RFTN1: variants seen among roughly 807,000 people sequenced by gnomAD.
RFTN1 encodes the protein raftlin, lipid raft linker 1, also known as raftlin.
RFTN1 carries 26 observed loss-of-function variants against 46.5 expected under a neutral mutation model. The observed-to-expected ratio is 0.56, with a 90% CI of 0.41 to 0.78. The LOEUF (loss-of-function observed/expected upper bound fraction) is 0.78. RFTN1 is among the 30% of genes least tolerant of loss of function. RFTN1 has a pLI of 0.00. For missense variants in RFTN1, 693 were observed against 718.7 expected (o/e 0.96, Z 0.41); for synonymous variants, 261 against 284.2 (o/e 0.92, Z 0.82).
chr3:16,395,123 T>C (rs748030415), intron 4 of RFTN1, among the ~76,000 whole-genome samples: 24 of 152,252 alleles, frequency 1.6e-4, no homozygotes, highest in Non-Finnish European at 3.1e-4. Context: ...AATTAAATTA[T>C]TATAAGCAGA....
At chr3:16,379,243 A>G (rs1439182286) in intron 4 of RFTN1, among the ~76,000 whole-genome samples, 1 of 152,244 alleles carries the variant, frequency 6.6e-6, no homozygotes, top group African/African-American at 2.4e-5. Flanking sequence ...CCTCGGAAGA[A>G]CCACCCTGAC....
intron 1 of RFTN1, among the ~76,000 whole-genome samples, chr3:16,497,333 T>C (rs2076641582): frequency 6.6e-6 from 1 of 152,228 alleles, no homozygotes; most frequent in African/African-American, 2.4e-5. Context: ...GGGTCTCAAT[T>C]CTTCTGAATA....
Position 16,385,242 on chromosome 3 carries a change from C to T in RFTN1, c.442-7140G>A, listed in dbSNP as rs761854631. On this transcript the variant is annotated intron_variant, in intron 4 of 9. Transcript: ENST00000334133. The surrounding 1 kb of genome is among the most constrained non-coding windows in gnomAD (Gnocchi z 5.0). Reference sequence around the variant, plus strand: ...AACCCTTCCCATCTTGTCACCTACACTCTTGTACAGCTTTCTGAAAAGGGA... The same window carrying T: ...AACCCTTCCCATCTTGTCACCTACATTCTTGTACAGCTTTCTGAAAAGGGA... Among the ~76,000 whole-genome samples, 1 of 152,224 alleles carries T rather than the reference C, an allele frequency of 6.6e-6. No homozygotes were observed. Among genetic ancestry groups the T allele is most frequent in the Admixed American group, 6.5e-5 (1 of 15,284 alleles).
intron 2 of RFTN1, chr3:16,454,762 A>G (rs1165394345): frequency 1.0e-6 from 1 of 985,252 alleles, no homozygotes; most frequent in African/African-American, 1.7e-5. Context: ...GTGTCAAGGC[A>G]CCATCTAGCA....
rs1460469202 is a variant in RFTN1 at position 16,370,265 on chromosome 3, TGAAG to T, written c.837_840del (p.Phe280ProfsTer31). The T allele has an allele frequency of 3.1e-6, 5 of 1,613,946 alleles. No individual in the cohort carries two copies. Among genetic ancestry groups the T allele is most frequent in the Non-Finnish European group, 4.2e-6 (5 of 1,179,988 alleles). On this transcript the variant is annotated frameshift_variant, in exon 6 of 10. Transcript: ENST00000334133. LOFTEE classifies it high-confidence loss of function. This position sits in a 1 kb window ranked among gnomAD's most constrained non-coding sequence, Gnocchi z 5.5. ...TGGCTCTTCGGTTTGTTGAAAAGGG[TGAAG>T]ATCTCCATTTCTGTTGGGATTTGTA...
At chr3:16,340,429 C>T (rs1176240604) in intron 7 of RFTN1, among the ~76,000 whole-genome samples, 1 of 152,240 alleles carries the variant, frequency 6.6e-6, no homozygotes, top group African/African-American at 2.4e-5. Flanking sequence ...CACTCTAGAT[C>T]ATTCAGCTAC....
chr3:16,323,032 T>C (rs907529804), intron 9 of RFTN1, among the ~76,000 whole-genome samples: 7 of 152,166 alleles, frequency 4.6e-5, no homozygotes, highest in Non-Finnish European at 1.0e-4. Flanking sequence ...AAACTGGCCA[T>C]GAGCTCGAGC....
At chr3:16,378,190 C>A in intron 4 of RFTN1, 88 bp from the exon 5 acceptor site, 1 of 1,158,564 alleles carries the variant, frequency 8.6e-7, no homozygotes, top group East Asian at 2.4e-5. Flanking sequence ...CTCCCCGAGG[C>A]CTGCGAGGCT....
chr3:16,323,514 T>A (rs1342494172), intron 8 of RFTN1, 57 bp from the exon 9 acceptor site: 1 of 1,241,638 alleles, frequency 8.1e-7, no homozygotes, highest in East Asian at 2.3e-5. Context: ...ACCCAAAACC[T>A]GACACAGATG....
In RFTN1 at chr3:16,348,600, G is replaced by C. The variant is rs1410938019; in HGVS notation, c.1146+9332C>G. On this transcript the variant is annotated intron_variant, in intron 7 of 9. Coordinates refer to ENST00000334133, the MANE Select transcript of RFTN1 (RefSeq NM_015150.2). The surrounding 1 kb of genome is among the most constrained non-coding windows in gnomAD (Gnocchi z 6.3). Reference sequence around the variant, plus strand: ...TGAATGCCTTCCCATTTCCTTTGTAGGATGTCTTCTTCCCGAGGCTCCTTG... The same window carrying C: ...TGAATGCCTTCCCATTTCCTTTGTACGATGTCTTCTTCCCGAGGCTCCTTG... Among the ~76,000 whole-genome samples, 1 of 152,122 alleles carries C rather than the reference G, an allele frequency of 6.6e-6. No homozygotes were observed. Among genetic ancestry groups the C allele is most frequent in the East Asian group, 1.9e-4 (1 of 5,188 alleles).
At position 16,399,937 on chromosome 3, in the gene RFTN1, C is replaced by T. The variant is rs184353930; in HGVS notation, c.441+9438G>A. On this transcript the variant is annotated intron_variant, in intron 4 of 9. Transcript: ENST00000334133. The stretch of plus-strand genomic sequence containing the variant: ...CTACATCTCTGTCAAGACGCTCCAC[C>T]TAAACTAAGTGACGATCTCTTGTCT... Among the ~76,000 whole-genome samples the T allele has an allele frequency of 6.5e-4, 99 of 152,302 alleles. 1 individual carries two copies. Among genetic ancestry groups the T allele is most frequent in the African/African-American group, 2.3e-3 (95 of 41,544 alleles).
chr3:16,403,733 A>G (rs2074684512), intron 4 of RFTN1, among the ~76,000 whole-genome samples: 1 of 36,410 alleles, frequency 2.7e-5, no homozygotes, highest in South Asian at 8.8e-4. Context: ...TATATTATAT[A>G]TATTATATTA....
intron 4 of RFTN1, among the ~76,000 whole-genome samples, chr3:16,399,533 CCCCACACTCAGCAAGTTTCACACTGA>C (rs2074553220): frequency 6.6e-6 from 1 of 152,186 alleles, no homozygotes; most frequent in Non-Finnish European, 1.5e-5. Flanking sequence ...GGCCTCCATC[CCCCACACTCAGCAAGTTTCACACTGA>C]CCTCTCTGGC....
chr3:16,377,927 C>G lies in RFTN1; in HGVS notation c.617G>C (p.Gly206Ala). 6.2e-7 allele frequency: 1 copy of G among 1,614,214 alleles called. No homozygotes were observed. Among genetic ancestry groups the G allele is most frequent in the Non-Finnish European group, 8.5e-7 (1 of 1,180,034 alleles). The change falls in exon 5 of 10, where the codon GGG (glycine) becomes GCG (alanine). Residue 206 changes from glycine to alanine, a missense_variant. Coordinates refer to ENST00000334133, the MANE Select transcript of RFTN1 (RefSeq NM_015150.2). ...CGGAGCACTGCACACATCCCCAGTCCCCGGTTTCTCATTCTCCAGTGACGC... is the reference window on the plus strand; with the variant it reads ...CGGAGCACTGCACACATCCCCAGTCGCCGGTTTCTCATTCTCCAGTGACGC... ...DHASLENEKP[G>A]TGDVCSAPAG...
Position 16,316,745 on chromosome 3 carries a change from G to A in RFTN1, c.*83C>T. The A allele has an allele frequency of 1.3e-6, 2 of 1,554,602 alleles. No individual in the cohort carries two copies. The highest frequency in any genetic ancestry group is 1.1e-5 in the South Asian group (1 of 88,934). ...AAAGGGTAGGTAACACACAACACCA[G>A]GGAAACCAGCCCCCAAACCAGCTGT... On this transcript the variant is annotated 3_prime_UTR_variant, in exon 10 of 10. Transcript: ENST00000334133. This position sits in a 1 kb window ranked among gnomAD's most constrained non-coding sequence, Gnocchi z 4.5.
At chr3:16,377,494 G>A (rs1182204732) in intron 5 of RFTN1, among the ~76,000 whole-genome samples, 1 of 152,206 alleles carries the variant, frequency 6.6e-6, no homozygotes, top group African/African-American at 2.4e-5. Flanking sequence ...GGAGCAAACT[G>A]CAAGTCAATT....
At chr3:16,432,539 A>G (rs2075409988) in intron 3 of RFTN1, among the ~76,000 whole-genome samples, 1 of 152,034 alleles carries the variant, frequency 6.6e-6, no homozygotes, top group Non-Finnish European at 1.5e-5. Flanking sequence ...AAAGAAAAGA[A>G]AAGAAACCAA....
intron 1 of RFTN1, among the ~76,000 whole-genome samples, chr3:16,511,082 A>G (rs1445808965): frequency 1.3e-5 from 2 of 152,226 alleles, no homozygotes; most frequent in Non-Finnish European, 2.9e-5. Context: ...AAACTCACCT[A>G]TGATGAGATA....
intron 7 of RFTN1, among the ~76,000 whole-genome samples, chr3:16,332,454 G>A (rs2070418651): frequency 6.6e-6 from 1 of 150,440 alleles, no homozygotes; most frequent in Admixed American, 6.6e-5. Flanking sequence ...TTGCTTCATG[G>A]ATACATTTAT....
Sources: allele counts gnomAD v4.1 joint callset (sites outside exome capture counted in the v4.1 genomes callset), GRCh38; gene constraint gnomAD v4.1.1; non-coding constraint Gnocchi (gnomAD v3.1); transcripts MANE v1.5; gene names NCBI Gene and HGNC (gene_info 2026-07-23, HGNC 2026-07-21).